The following PCDHGA2 variants were observed in gnomAD, a reference collection of about 807,000 sequenced individuals.
The protein encoded by PCDHGA2 is protocadherin gamma-A2.
In PCDHGA2, 40 loss-of-function variants were observed where a neutral mutation model predicts 59.2. The observed-to-expected ratio is 0.68, with a 90% CI of 0.52 to 0.88. The LOEUF is 0.88. PCDHGA2 is among the 40% of genes least tolerant of loss of function. PCDHGA2 has a pLI of 0.00. For synonymous variants in PCDHGA2, 560 were observed against 526.0 expected (o/e 1.06, Z -0.89); for missense variants, 1,226 against 1,204.0 (o/e 1.02, Z -0.27).
chr5:141,375,245 A>G (rs768962763), intron 1 of PCDHGA2: 6 of 1,613,950 alleles, frequency 3.7e-6, no homozygotes, highest in Non-Finnish European at 8.5e-7. Flanking sequence ...TTCCATCCCG[A>G]GAAGTCTCCC....
At chr5:141,356,757 C>T (rs1413768876) in intron 1 of PCDHGA2, 2 of 1,613,908 alleles carry the variant, frequency 1.2e-6, no homozygotes, top group Non-Finnish European at 1.7e-6. Flanking sequence ...CTCTTTGCTC[C>T]TTCGACTATG....
At chr5:141,347,167 CTT>C (rs1278659701) in intron 1 of PCDHGA2, among the ~76,000 whole-genome samples, 3 of 143,014 alleles carry the variant, frequency 2.1e-5, no homozygotes, top group African/African-American at 7.8e-5. Context: ...TTCTTTCTTT[CTT>C]TCTTTCTTTC....
chr5:141,456,735 C>T (rs568353480), intron 1 of PCDHGA2, among the ~76,000 whole-genome samples: 8 of 152,216 alleles, frequency 5.3e-5, no homozygotes, highest in East Asian at 3.9e-4. Context: ...GAGGCTGAGG[C>T]GGGAGCATCA....
intron 1 of PCDHGA2, chr5:141,371,473 C>T: frequency 6.2e-7 from 1 of 1,613,958 alleles, no homozygotes; most frequent in Admixed American, 1.7e-5. Flanking sequence ...CAAGAAGATG[C>T]TGAGCTGGGG....
intron 1 of PCDHGA2, chr5:141,423,751 G>GGC: frequency 2.9e-6 from 1 of 349,040 alleles, no homozygotes; most frequent in African/African-American, 6.5e-5. Context: ...AAAACTGTTT[G>GGC]GGGGGGGGGT....
chr5:141,400,650 C>T, intron 1 of PCDHGA2: 13 of 1,174,166 alleles, frequency 1.1e-5, no homozygotes, highest in Non-Finnish European at 1.6e-5. Context: ...AGAAAGCTGT[C>T]CTACCATTCT....
At chr5:141,386,797 T>G (rs771279831) in intron 1 of PCDHGA2, among the ~76,000 whole-genome samples, 1 of 152,124 alleles carries the variant, frequency 6.6e-6, no homozygotes, top group Non-Finnish European at 1.5e-5. Flanking sequence ...TGACCAAAAT[T>G]TATTAGATGC....
chr5:141,389,853 A>G, intron 1 of PCDHGA2: 1 of 1,614,050 alleles, frequency 6.2e-7, no homozygotes, highest in South Asian at 1.1e-5. Context: ...GGCCACTGCC[A>G]CGTTGCACCT....
At chr5:141,348,000 C>T (rs1288838565) in intron 1 of PCDHGA2, among the ~76,000 whole-genome samples, 1 of 152,188 alleles carries the variant, frequency 6.6e-6, no homozygotes, top group East Asian at 1.9e-4. Flanking sequence ...ATGTCTCAGC[C>T]TCTGCGGGAG....
intron 1 of PCDHGA2, among the ~76,000 whole-genome samples, chr5:141,460,961 A>ATGTG (rs35821115): frequency 4.1e-5 from 6 of 144,616 alleles, no homozygotes; most frequent in South Asian, 2.2e-4. Context: ...GTATATATAT[A>ATGTG]TGTGTGTGTG....
In PCDHGA2 at chr5:141,375,919, C is replaced by A. The variant is rs746123042; in HGVS notation, c.2424+34524C>A. Reference sequence around the variant, plus strand: ...TGTCCTACCGCCTGCTCAAGGCCAGCGAGCCAGGACTTTTCTCAGTGGGCC... The same window carrying A: ...TGTCCTACCGCCTGCTCAAGGCCAGAGAGCCAGGACTTTTCTCAGTGGGCC... On this transcript the variant is annotated intron_variant, in intron 1 of 3. Coordinates refer to ENST00000394576, the MANE Select transcript of PCDHGA2 (RefSeq NM_018915.4). 2.5e-5 allele frequency: 40 copies of A among 1,613,612 alleles called. No homozygotes were observed. In the Middle Eastern group the frequency reaches 8.4e-4, roughly 34 times the overall value.
chr5:141,490,644 T>C lies in PCDHGA2; in HGVS notation c.2425-4163T>C. The C allele has an allele frequency of 6.2e-7, 1 of 1,614,188 alleles. No homozygotes were observed. Among genetic ancestry groups the C allele is most frequent in the Non-Finnish European group, 8.5e-7 (1 of 1,180,016 alleles). On this transcript the variant is annotated intron_variant, in intron 1 of 3. Coordinates refer to ENST00000394576, the MANE Select transcript of PCDHGA2 (RefSeq NM_018915.4). The surrounding 1 kb of genome is among the most constrained non-coding windows in gnomAD (Gnocchi z 5.4). Reference sequence around the variant, plus strand: ...CTGCTTACATCCTAGAAAACCGGCCTCCGGGCTCCCTTCTTTGCACTGTGG... The same window carrying C: ...CTGCTTACATCCTAGAAAACCGGCCCCCGGGCTCCCTTCTTTGCACTGTGG...
intron 1 of PCDHGA2, chr5:141,384,886 G>T: frequency 6.2e-7 from 1 of 1,613,822 alleles, no homozygotes. Context: ...ACTCACCGTG[G>T]CTGTGGCTGA....
chr5:141,361,456 C>A (rs529112132), intron 1 of PCDHGA2: 1 of 1,613,916 alleles, frequency 6.2e-7, no homozygotes, highest in African/African-American at 1.3e-5. Context: ...TGTCACCCTG[C>A]ACATCTCCGA....
intron 1 of PCDHGA2, chr5:141,352,645 T>G: frequency 6.2e-7 from 1 of 1,605,708 alleles, no homozygotes; most frequent in Non-Finnish European, 8.5e-7. Flanking sequence ...ACAAAATCGC[T>G]TATGACCCTT....
chr5:141,350,598 T>C (rs1325007688), intron 1 of PCDHGA2: 5 of 1,613,884 alleles, frequency 3.1e-6, no homozygotes, highest in Admixed American at 1.7e-5. Context: ...CCAATGAATG[T>C]TTTCCACGTG....
chr5:141,410,032 G>C (rs1395086834), intron 1 of PCDHGA2: 5 of 1,613,162 alleles, frequency 3.1e-6, no homozygotes, highest in African/African-American at 1.3e-5. Flanking sequence ...ACGTGCTGCA[G>C]GCCAGTGAGC....
intron 1 of PCDHGA2, chr5:141,355,055 C>A (rs916093092): frequency 2.3e-5 from 28 of 1,224,238 alleles, no homozygotes; most frequent in Non-Finnish European, 2.8e-5. Context: ...AAAGCACTGG[C>A]TCTGGAGCTT....
At chr5:141,374,266 G>A (rs763355904) in intron 1 of PCDHGA2, 5 of 1,614,016 alleles carry the variant, frequency 3.1e-6, no homozygotes, top group Middle Eastern at 1.7e-4. Context: ...AGTTGGCGGA[G>A]CACGGAGTCC....
Sources: gnomAD v4.1 joint callset for allele counts (sites outside exome capture counted in the v4.1 genomes callset) on GRCh38, gnomAD v4.1.1 for gene constraint, Gnocchi (gnomAD v3.1) non-coding constraint, MANE v1.5 for transcripts, NCBI Gene and HGNC (gene_info 2026-07-23, HGNC 2026-07-21) for gene names.